Variants in SYNE1 observed in about 807,000 individuals in gnomAD.
The protein encoded by SYNE1 is nesprin-1.
In SYNE1, 616 loss-of-function variants were observed where a neutral mutation model predicts 1,111.0. The observed-to-expected ratio is 0.55, with a 90% CI of 0.52 to 0.59. The LOEUF (loss-of-function observed/expected upper bound fraction) is 0.59, where lower values mean the gene tolerates loss of function less well. Among genes scored for constraint, SYNE1 ranks in the 20% least tolerant of loss-of-function variants. SYNE1 has a pLI of 0.00. For missense variants in SYNE1, 10,006 were observed against 10,417.0 expected (o/e 0.96, Z 1.72); for synonymous variants, 3,855 against 3,825.8 (o/e 1.01, Z -0.28).
intron 121 of SYNE1, among the ~76,000 whole-genome samples, chr6:152,217,720 A>G (rs1450951072): frequency 1.3e-5 from 2 of 152,046 alleles, no homozygotes; most frequent in Non-Finnish European, 2.9e-5. Flanking sequence ...GTACAGGAAC[A>G]TGGAGAGGGA....
rs1043688936 is a variant in SYNE1, at chr6:152,336,672, T to C, written c.12528+169A>G. 8 of 854,002 alleles carry C rather than the reference T, an allele frequency of 9.4e-6. No homozygotes were observed. In the African/African-American group the frequency reaches 1.3e-4, roughly 14 times the overall value. The allele number at this position is 854,002 out of a possible 1,614,324, so 52.9% of individuals were successfully genotyped here. On this transcript the variant is annotated intron_variant, in intron 76 of 145. Transcript: ENST00000367255. The stretch of plus-strand genomic sequence containing the variant: ...GCCAGGTTCCTAACAGGACATGGAC[T>C]TGTGCTTGTCCATAACCTGGGGCTT...
chr6:152,215,608 C>T (rs972968889), intron 121 of SYNE1, among the ~76,000 whole-genome samples: 1 of 152,142 alleles, frequency 6.6e-6, no homozygotes, highest in Non-Finnish European at 1.5e-5. Context: ...ATGCTAATTT[C>T]CTCCTTTATT....
chr6:152,134,903 G>T, intron 142 of SYNE1: 1 of 606,702 alleles, frequency 1.6e-6, no homozygotes, highest in Non-Finnish European at 2.8e-6. Context: ...AGATTCTAAA[G>T]CTAGCAGATA....
chr6:152,464,306 C>T (rs932400654), intron 18 of SYNE1, among the ~76,000 whole-genome samples: 5 of 152,114 alleles, frequency 3.3e-5, no homozygotes, highest in African/African-American at 7.2e-5. Context: ...AAATCCATTT[C>T]GTAAGCCTTG....
chr6:152,308,601 T>G lies in SYNE1; in HGVS notation c.17234A>C (p.Gln5745Pro). Residue 5745 changes from glutamine (Q) to proline (P), a missense_variant, in exon 91 of 146, where the codon CAA (glutamine) becomes CCA (proline). Physicochemically the swap from Gln to Pro is moderately conservative, Grantham distance 76. Around this residue, in one of 7 missense-constraint regions of SYNE1, gnomAD observed 4,955 missense variants for 5,017.2 expected, o/e 0.99. Coordinates refer to ENST00000367255, the MANE Select transcript of SYNE1 (RefSeq NM_182961.4). The part of the protein sequence containing the change: ...EAVVQYEQYE[Q>P]EMKHLQQLIE... ...CAGTTGCTGGAGATGTTTCATTTCTTGCTCATATTGTTCATATTGTACCAC... is the reference window on the plus strand; with the variant it reads ...CAGTTGCTGGAGATGTTTCATTTCTGGCTCATATTGTTCATATTGTACCAC... The G allele has an allele frequency of 6.2e-7, 1 of 1,613,474 alleles. No individual in the cohort carries two copies. Among genetic ancestry groups the G allele is most frequent in the Middle Eastern group, 1.7e-4 (1 of 6,060 alleles).
In SYNE1 at chr6:152,505,759, A is replaced by G. The variant is rs184396381; in HGVS notation, c.582-362T>C. Among the ~76,000 whole-genome samples the G allele has an allele frequency of 8.5e-5, 13 of 152,342 alleles. No individual in the cohort carries two copies. In the East Asian group the frequency reaches 2.3e-3, roughly 27 times the overall value. ...TAAAGAAAAATCAATTTAGAGAAAAATGTCTGAAAAAATTTTAAGAAACCA... is the reference window on the plus strand; with the variant it reads ...TAAAGAAAAATCAATTTAGAGAAAAGTGTCTGAAAAAATTTTAAGAAACCA... On this transcript the variant is annotated intron_variant, in intron 8 of 145. Transcript: ENST00000367255.
At chr6:152,205,091 TA>T (rs1408232832) in intron 126 of SYNE1, among the ~76,000 whole-genome samples, 1 of 152,064 alleles carries the variant, frequency 6.6e-6, no homozygotes, top group African/African-American at 2.4e-5. Flanking sequence ...GGCAATATAT[TA>T]TTAAATAAAA....
chr6:152,427,618 T>C, intron 38 of SYNE1, 75 bp downstream of exon 38: 1 of 1,545,270 alleles, frequency 6.5e-7, no homozygotes, highest in Non-Finnish European at 8.9e-7. Context: ...AGTTTATTTA[T>C]TTTATTATTT....
At chr6:152,520,310 G>C in intron 6 of SYNE1, 149 bp downstream of exon 6, 1 of 825,176 alleles carries the variant, frequency 1.2e-6, no homozygotes, top group South Asian at 1.5e-5. Context: ...ATAAATCTAA[G>C]AGTATTTTAT....
intron 143 of SYNE1, among the ~76,000 whole-genome samples, chr6:152,132,777 C>A (rs1232461328): frequency 6.6e-6 from 1 of 152,074 alleles, no homozygotes. Context: ...CCACATCTCA[C>A]CTGCAAATGC....
chr6:152,331,918 C>T (rs1178677069), intron 77 of SYNE1, 28 bp from the exon 78 acceptor site: 1 of 1,605,894 alleles, frequency 6.2e-7, no homozygotes, highest in Admixed American at 1.7e-5. Context: ...GGTATAAGAG[C>T]AAATTAGCTG....
chr6:152,614,506 G>A (rs1164101767), intron 3 of SYNE1, among the ~76,000 whole-genome samples: 1 of 152,168 alleles, frequency 6.6e-6, no homozygotes, highest in African/African-American at 2.4e-5. Flanking sequence ...AGGATATGGA[G>A]AAATAGGAAT....
At chr6:152,531,536 T>C (rs1005631726) in intron 4 of SYNE1, among the ~76,000 whole-genome samples, 1 of 152,216 alleles carries the variant, frequency 6.6e-6, no homozygotes, top group African/African-American at 2.4e-5. Flanking sequence ...GCCATGTTAA[T>C]CTTCTTAAGC....
At chr6:152,376,270 A>G in intron 58 of SYNE1, 111 bp downstream of exon 58, 1 of 1,183,556 alleles carries the variant, frequency 8.4e-7, no homozygotes, top group South Asian at 1.3e-5. Flanking sequence ...GGTTCCTAAC[A>G]GGCCAGGGAC....
chr6:152,584,610 C>T (rs1465417380), intron 3 of SYNE1, among the ~76,000 whole-genome samples: 1 of 151,938 alleles, frequency 6.6e-6, no homozygotes, highest in Non-Finnish European at 1.5e-5. Flanking sequence ...CGCTACATTG[C>T]CCAGGCTGCT....
chr6:152,263,674 A>G (rs955374753), intron 100 of SYNE1, among the ~76,000 whole-genome samples: 2 of 151,904 alleles, frequency 1.3e-5, no homozygotes, highest in African/African-American at 4.8e-5. Flanking sequence ...TGTGGATTTC[A>G]GGAGTGAGCC....
chr6:152,524,312 G>T (rs1389183850), intron 5 of SYNE1, among the ~76,000 whole-genome samples: 1 of 152,030 alleles, frequency 6.6e-6, no homozygotes, highest in East Asian at 1.9e-4. Context: ...TGCCCATATA[G>T]ATTTTGTTTT....
At chr6:152,353,783 A>G (rs2096784152) in intron 67 of SYNE1, 39 bp from the exon 68 acceptor site, 1 of 1,611,376 alleles carries the variant, frequency 6.2e-7, no homozygotes, top group Non-Finnish European at 8.5e-7. Flanking sequence ...ATTCAATCTT[A>G]GCCATTCGAA....
intron 3 of SYNE1, among the ~76,000 whole-genome samples, chr6:152,542,864 T>G (rs963360660): frequency 1.3e-5 from 2 of 152,158 alleles, no homozygotes; most frequent in African/African-American, 4.8e-5. Flanking sequence ...TTATAATGCA[T>G]AAAATCCAAT....
Sources: allele counts gnomAD v4.1 joint callset (sites outside exome capture counted in the v4.1 genomes callset), GRCh38; gene constraint gnomAD v4.1.1; regional missense constraint gnomAD v4.1.1; transcripts MANE v1.5; gene names NCBI Gene and HGNC (gene_info 2026-07-23, HGNC 2026-07-21).